Variants in DDX10 observed in about 807,000 individuals in gnomAD.
The protein encoded by DDX10 is probable ATP-dependent RNA helicase DDX10.
In DDX10, 74 loss-of-function variants were observed where a neutral mutation model predicts 104.3. The ratio of observed to expected loss-of-function variants is 0.71; its 90% CI spans 0.59 to 0.86. The LOEUF is 0.86. DDX10 is among the 40% of genes least tolerant of loss of function. The pLI, the probability that DDX10 is intolerant of heterozygous loss-of-function variation, is 0.00. For missense variants in DDX10, 952 were observed against 1,040.0 expected, an observed-to-expected ratio of 0.92 and a Z score of 1.16; for synonymous variants, 351 against 353.4, an observed-to-expected ratio of 0.99 and a Z score of 0.08.
intron 13 of DDX10, among the ~76,000 whole-genome samples, chr11:108,766,095 A>G (rs1290918743): frequency 1.3e-5 from 2 of 152,152 alleles, no homozygotes; most frequent in Non-Finnish European, 2.9e-5. Context: ...ACAGGCCTCT[A>G]CATTTATAGT....
chr11:108,878,001 C>T (rs1863175207), intron 16 of DDX10, among the ~76,000 whole-genome samples: 2 of 152,024 alleles, frequency 1.3e-5, no homozygotes, highest in Non-Finnish European at 2.9e-5. Flanking sequence ...ATTTCTTTTT[C>T]CCTCCCTCCT....
rs537435957 is a variant in DDX10 at position 108,698,981 on chromosome 11, A to G, written c.1223+5381A>G. 9.9e-5 allele frequency among the ~76,000 whole-genome samples: 15 copies of G among 152,060 alleles called. No individual in the cohort carries two copies. The South Asian group carries it at 1.5e-3, about 15-fold the overall frequency. On this transcript the variant is annotated intron_variant, in intron 9 of 17. Coordinates refer to ENST00000322536, the MANE Select transcript of DDX10 (RefSeq NM_004398.4). The stretch of plus-strand genomic sequence containing the variant: ...ATGGCTGTCTTCCTCACCCTCCCCA[A>G]CCACTCCTTTTAACCCTGCTTGACA...
At chr11:108,790,145 G>C (rs1332171041) in intron 13 of DDX10, among the ~76,000 whole-genome samples, 1 of 152,096 alleles carries the variant, frequency 6.6e-6, no homozygotes, top group Non-Finnish European at 1.5e-5. Flanking sequence ...CAAGTAATAA[G>C]GGTGAGAAAT....
intron 7 of DDX10, among the ~76,000 whole-genome samples, 190 bp from the exon 8 acceptor site, chr11:108,691,686 A>G (rs1004966098): frequency 1.3e-5 from 2 of 152,264 alleles, no homozygotes; most frequent in African/African-American, 4.8e-5. Context: ...GGAAATAGAA[A>G]TGTGAATTAA....
At chr11:108,799,404 A>G (rs757223150) in intron 13 of DDX10, among the ~76,000 whole-genome samples, 5 of 152,132 alleles carry the variant, frequency 3.3e-5, no homozygotes, top group Non-Finnish European at 7.4e-5. Flanking sequence ...TCTTCCTGTG[A>G]TACCATATTC....
At chr11:108,936,505 A>G (rs1430204836) in intron 17 of DDX10, among the ~76,000 whole-genome samples, 3 of 152,188 alleles carry the variant, frequency 2.0e-5, no homozygotes, top group Non-Finnish European at 4.4e-5. Flanking sequence ...GAGAAGACAT[A>G]TATAACAGCA....
At chr11:108,803,182 G>T (rs1462484799) in intron 13 of DDX10, among the ~76,000 whole-genome samples, 1 of 151,278 alleles carries the variant, frequency 6.6e-6, no homozygotes, top group Non-Finnish European at 1.5e-5. Context: ...TATCAGACTT[G>T]ATTCAATATT....
In DDX10 at chr11:108,679,532, G is replaced by A. The variant is rs1441619051; in HGVS notation, c.820G>A (p.Val274Ile). The change falls in exon 6 of 18, where the codon GTC becomes ATC. Residue 274 changes from valine (V) to isoleucine (I), a missense_variant. Around this residue, in one of 3 missense-constraint regions of DDX10, gnomAD observed 412 missense variants for 479.2 expected, o/e 0.86. Coordinates refer to ENST00000322536, the MANE Select transcript of DDX10 (RefSeq NM_004398.4). ...CTTGAGTTTGAAAAACCCTGAGTAT[G>A]TCTGGGTTCATGAAAAAGCAAAATA... ...ARLSLKNPEY[V>I]WVHEKAKYST... 2.5e-6 allele frequency: 4 copies of A among 1,605,894 alleles called. No individual in the cohort carries two copies. Among genetic ancestry groups the A allele is most frequent in the Non-Finnish European group, 3.4e-6 (4 of 1,177,950 alleles).
At chr11:108,879,300 G>A (rs1024492875) in intron 16 of DDX10, among the ~76,000 whole-genome samples, 2 of 152,066 alleles carry the variant, frequency 1.3e-5, no homozygotes, top group African/African-American at 2.4e-5. Flanking sequence ...ACATCCGGCC[G>A]AAATTTTCTA....
chr11:108,733,657 C>A (rs1304077954), intron 13 of DDX10, among the ~76,000 whole-genome samples: 3 of 152,012 alleles, frequency 2.0e-5, no homozygotes, highest in Admixed American at 2.0e-4. Flanking sequence ...GCTTTGATTC[C>A]CGTCATTTCT....
chr11:108,737,785 A>G (rs1031018755), intron 13 of DDX10, among the ~76,000 whole-genome samples: 3 of 152,144 alleles, frequency 2.0e-5, no homozygotes, highest in Non-Finnish European at 4.4e-5. Context: ...TTTCTCAGTG[A>G]CAACCATGAT....
chr11:108,762,780 A>G (rs1163982793), intron 13 of DDX10, among the ~76,000 whole-genome samples: 1 of 152,078 alleles, frequency 6.6e-6, no homozygotes, highest in Non-Finnish European at 1.5e-5. Flanking sequence ...CATTTATAAT[A>G]TTTTTCTTCC....
chr11:108,905,945 G>A (rs1302300410), intron 16 of DDX10, among the ~76,000 whole-genome samples: 3 of 152,062 alleles, frequency 2.0e-5, no homozygotes, highest in Non-Finnish European at 1.5e-5. Flanking sequence ...CAAGGGGATG[G>A]TACTAAACCA....
chr11:108,837,033 T>A (rs1862565001), intron 13 of DDX10, among the ~76,000 whole-genome samples: 1 of 152,226 alleles, frequency 6.6e-6, no homozygotes. Context: ...GTCGGGTATT[T>A]TGCAAAGTAA....
At chr11:108,920,262 A>C (rs1863805766) in intron 17 of DDX10, 1 of 152,226 alleles carries the variant, frequency 6.6e-6, no homozygotes, top group African/African-American at 2.4e-5. Flanking sequence ...TCTTAACTTA[A>C]AGACAAGGGT....
At chr11:108,867,489 T>C (rs1253661294) in intron 16 of DDX10, among the ~76,000 whole-genome samples, 3 of 152,190 alleles carry the variant, frequency 2.0e-5, no homozygotes, top group African/African-American at 4.8e-5. Flanking sequence ...AATACCACAC[T>C]GTTTTGAAAA....
At chr11:108,775,253 C>G (rs1050034567) in intron 13 of DDX10, among the ~76,000 whole-genome samples, 3 of 152,120 alleles carry the variant, frequency 2.0e-5, no homozygotes, top group African/African-American at 4.8e-5. Flanking sequence ...AAATGTTAAT[C>G]TCAAATAGAT....
At chr11:108,707,242 A>G (rs917992429) in intron 10 of DDX10, among the ~76,000 whole-genome samples, 1 of 152,158 alleles carries the variant, frequency 6.6e-6, no homozygotes, top group Non-Finnish European at 1.5e-5. Flanking sequence ...TCACTGCTCT[A>G]AAAATCCTGT....
intron 7 of DDX10, 34 bp downstream of exon 7, chr11:108,689,096 G>T: frequency 6.2e-7 from 1 of 1,608,502 alleles, no homozygotes; most frequent in Non-Finnish European, 8.5e-7. Context: ...CTGAACGTAT[G>T]TTGAATGTCC....
Sources: gnomAD v4.1 joint callset for allele counts (sites outside exome capture counted in the v4.1 genomes callset) on GRCh38, gnomAD v4.1.1 for gene constraint, gnomAD v4.1.1 regional missense constraint, MANE v1.5 for transcripts, NCBI Gene and HGNC (gene_info 2026-07-23, HGNC 2026-07-21) for gene names.